The following CATSPERT variants were observed in gnomAD, a reference collection of about 807,000 sequenced individuals.
CATSPERT encodes the protein catsper channel auxiliary subunit tau.
At chr2:201,588,871 C>T in the CATSPERT span, among the ~76,000 whole-genome samples, 5 of 151,968 alleles carry the variant, frequency 3.3e-5, no homozygotes, top group Non-Finnish European at 7.4e-5. Context: ...CATAGTCTCA[C>T]CCCAAAAGCT....
the CATSPERT span, among the ~76,000 whole-genome samples, chr2:201,488,636 T>A: frequency 4.7e-4 from 72 of 152,296 alleles, no homozygotes; most frequent in Admixed American, 1.3e-3. Flanking sequence ...CTCAGCAGTT[T>A]GAGCAGCTCA....
the CATSPERT span, among the ~76,000 whole-genome samples, chr2:201,595,767 T>C: frequency 6.6e-6 from 1 of 152,136 alleles, no homozygotes; most frequent in Non-Finnish European, 1.5e-5. Flanking sequence ...GACAAACGGA[T>C]ACTTTTCAAA....
chr2:201,516,932 T>C, the CATSPERT span, among the ~76,000 whole-genome samples: 3 of 18,426 alleles, frequency 1.6e-4, no homozygotes, highest in African/African-American at 2.7e-4. Context: ...TAGGAAGGCT[T>C]TTTTTTTTTT....
chr2:201,615,863 G>T, the CATSPERT span, among the ~76,000 whole-genome samples: 1 of 152,108 alleles, frequency 6.6e-6, no homozygotes, highest in Non-Finnish European at 1.5e-5. Context: ...AGTAAAAAAT[G>T]ATAAAGGGGA....
chr2:201,505,678 A>C, the CATSPERT span, among the ~76,000 whole-genome samples: 1 of 152,202 alleles, frequency 6.6e-6, no homozygotes, highest in Non-Finnish European at 1.5e-5. Context: ...AAACCAGAGG[A>C]AACTGGAGAG....
chr2:201,603,660 C>T, the CATSPERT span, among the ~76,000 whole-genome samples: 1 of 152,154 alleles, frequency 6.6e-6, no homozygotes, highest in Admixed American at 6.5e-5. Context: ...ACTCTTTTAT[C>T]CAGTGTCCTA....
chr2:201,589,751 T>C, the CATSPERT span, among the ~76,000 whole-genome samples: 2 of 151,976 alleles, frequency 1.3e-5, no homozygotes, highest in Admixed American at 6.5e-5. Flanking sequence ...AAAGCAAAAA[T>C]TGACAAATGG....
the CATSPERT span, among the ~76,000 whole-genome samples, chr2:201,505,711 A>G: frequency 1.3e-5 from 2 of 152,222 alleles, no homozygotes; most frequent in Admixed American, 1.3e-4. Flanking sequence ...AATGCAATGT[A>G]GTACTCTGTA....
chr2:201,518,694 G>A, the CATSPERT span, among the ~76,000 whole-genome samples: 2 of 152,296 alleles, frequency 1.3e-5, no homozygotes, highest in East Asian at 1.9e-4. Flanking sequence ...AGGTATGGAG[G>A]CAACAAATGA....
chr2:201,492,416 A>G, the CATSPERT span: 1 of 1,532,496 alleles, frequency 6.5e-7, no homozygotes, highest in Non-Finnish European at 8.7e-7. Context: ...TTTTCTGATA[A>G]AGCTATCAGA....
At chr2:201,503,504 A>G in the CATSPERT span, among the ~76,000 whole-genome samples, 2 of 152,116 alleles carry the variant, frequency 1.3e-5, no homozygotes, top group African/African-American at 4.8e-5. Context: ...AAGTGATCCT[A>G]CTGCCTCAGC....
the CATSPERT span, among the ~76,000 whole-genome samples, chr2:201,573,760 G>A: frequency 4.6e-5 from 7 of 152,134 alleles, no homozygotes; most frequent in South Asian, 2.1e-4. Flanking sequence ...AGGTTCAAGC[G>A]ATTCTCCTGC....
chr2:201,592,757 GT>G, the CATSPERT span, among the ~76,000 whole-genome samples: 5 of 152,172 alleles, frequency 3.3e-5, no homozygotes, highest in Non-Finnish European at 7.3e-5. Context: ...AGATTTTCTA[GT>G]TTATTTGCAT....
the CATSPERT span, among the ~76,000 whole-genome samples, chr2:201,523,927 T>C: frequency 6.6e-6 from 1 of 152,070 alleles, no homozygotes; most frequent in Non-Finnish European, 1.5e-5. Context: ...TTTGAATTAA[T>C]TTAGTGAGAA....
the CATSPERT span, chr2:201,555,161 A>C: frequency 3.3e-5 from 5 of 152,224 alleles, no homozygotes; most frequent in Admixed American, 3.3e-4. Flanking sequence ...CATTTCATAT[A>C]GTATCCCCGT....
At chr2:201,536,070 A>C in the CATSPERT span, 3 of 1,613,144 alleles carry the variant, frequency 1.9e-6, no homozygotes, top group Non-Finnish European at 2.5e-6. Context: ...GTTATCTTTT[A>C]ATTTTACTTC....
the CATSPERT span, among the ~76,000 whole-genome samples, chr2:201,592,966 TG>T: frequency 3.3e-5 from 5 of 152,190 alleles, no homozygotes; most frequent in African/African-American, 9.6e-5. Context: ...AAAGGTTTTT[TG>T]TGTCTCTATT....
chr2:201,528,523 A>G, the CATSPERT span, among the ~76,000 whole-genome samples: 1 of 152,188 alleles, frequency 6.6e-6, no homozygotes, highest in Non-Finnish European at 1.5e-5. Flanking sequence ...ACTCCCATCA[A>G]TGGTAGATTG....
the CATSPERT span, among the ~76,000 whole-genome samples, chr2:201,590,374 C>A: frequency 2.0e-5 from 3 of 152,014 alleles, no homozygotes; most frequent in Non-Finnish European, 4.4e-5. Flanking sequence ...TTTTCTTAAT[C>A]CAGTCTATCA....
Sources: allele counts gnomAD v4.1 joint callset (sites outside exome capture counted in the v4.1 genomes callset), GRCh38; gene constraint gnomAD v4.1.1; transcripts MANE v1.5; gene names NCBI Gene and HGNC (gene_info 2026-07-23, HGNC 2026-07-21).